RAD18: variants seen among roughly 807,000 people sequenced by gnomAD.
The protein encoded by RAD18 is E3 ubiquitin-protein ligase RAD18.
In RAD18, 47 loss-of-function variants were observed where a neutral mutation model predicts 60.4. That is an observed-to-expected ratio of 0.78 (90% CI 0.62 to 0.99). The LOEUF (loss-of-function observed/expected upper bound fraction) is 0.99. Among genes scored for constraint, RAD18 ranks in the 50% least tolerant of loss-of-function variants. The pLI is 0.00. For missense variants in RAD18, 640 were observed against 593.3 expected, an observed-to-expected ratio of 1.08 and a Z score of -0.82; for synonymous variants, 225 against 195.5, an observed-to-expected ratio of 1.15 and a Z score of -1.26.
chr3:8,921,525 G>C (rs1297443620), intron 7 of RAD18, among the ~76,000 whole-genome samples: 2 of 152,108 alleles, frequency 1.3e-5, no homozygotes, highest in Non-Finnish European at 2.9e-5. Flanking sequence ...GCATGCGCTT[G>C]TAGTCCTAGC....
At chr3:8,905,771 A>G (rs1467953139) in intron 9 of RAD18, among the ~76,000 whole-genome samples, 3 of 152,176 alleles carry the variant, frequency 2.0e-5, no homozygotes, top group Non-Finnish European at 4.4e-5. Context: ...AGTTTGCTCT[A>G]CTATTCTCCA....
chr3:8,940,057 C>A (rs1940721507), intron 5 of RAD18, among the ~76,000 whole-genome samples: 1 of 152,198 alleles, frequency 6.6e-6, no homozygotes, highest in African/African-American at 2.4e-5. Flanking sequence ...ACACACCTGG[C>A]CCAAGGGCCG....
chr3:8,911,794 A>G (rs1233727473), intron 9 of RAD18, among the ~76,000 whole-genome samples: 1 of 152,246 alleles, frequency 6.6e-6, no homozygotes, highest in Non-Finnish European at 1.5e-5. Flanking sequence ...CAACCACCAC[A>G]CAAAGAGTAA....
chr3:8,895,728 C>T (rs1939772090), intron 11 of RAD18, among the ~76,000 whole-genome samples: 2 of 152,186 alleles, frequency 1.3e-5, no homozygotes, highest in Admixed American at 6.5e-5. Context: ...AGTTGGCCCA[C>T]TTCCTCCTTT....
chr3:8,945,658 G>A (rs1177299462), intron 4 of RAD18, among the ~76,000 whole-genome samples: 1 of 151,706 alleles, frequency 6.6e-6, no homozygotes, highest in African/African-American at 2.4e-5. Context: ...TTTTAGTAGA[G>A]ACAGGGTTTC....
At chr3:8,891,096 A>ATATATATATATATC in intron 11 of RAD18, among the ~76,000 whole-genome samples, 1 of 138,524 alleles carries the variant, frequency 7.2e-6, no homozygotes, top group African/African-American at 2.6e-5. Flanking sequence ...ATATATATAT[A>ATATATATATATATC]TCTGTGTTTT....
intron 4 of RAD18, among the ~76,000 whole-genome samples, chr3:8,944,476 C>T (rs980625935): frequency 6.6e-6 from 1 of 150,720 alleles, no homozygotes; most frequent in African/African-American, 2.4e-5. Context: ...TTCGAGGTTA[C>T]AGTGAACCAT....
At chr3:8,895,381 T>C (rs1939766317) in intron 11 of RAD18, among the ~76,000 whole-genome samples, 1 of 152,238 alleles carries the variant, frequency 6.6e-6, no homozygotes, top group African/African-American at 2.4e-5. Flanking sequence ...TACAGTAAGA[T>C]ACTTCACTTC....
chr3:8,921,652 A>G (rs1356591441), intron 7 of RAD18, among the ~76,000 whole-genome samples: 1 of 152,162 alleles, frequency 6.6e-6, no homozygotes, highest in African/African-American at 2.4e-5. Context: ...AAAAAAAACA[A>G]GACAGAATGA....
chr3:8,884,148 T>C (rs963117213), intron 12 of RAD18, among the ~76,000 whole-genome samples: 3 of 152,202 alleles, frequency 2.0e-5, no homozygotes, highest in African/African-American at 7.2e-5. Flanking sequence ...TCACCATGAC[T>C]GCAGACTGTT....
rs767573921 is a variant in RAD18, at chr3:8,941,466, C to T, written c.604+1G>A. The T allele has an allele frequency of 6.3e-7, 1 of 1,586,734 alleles. No homozygotes were observed. The highest frequency in any genetic ancestry group is 8.6e-7 in the Non-Finnish European group (1 of 1,159,822). Reference sequence around the variant, plus strand: ...TTCCACATATGAAAATAACTTCCTACCTTTAGTAACTTGTTTCAAAGTGGA... The same window carrying T: ...TTCCACATATGAAAATAACTTCCTATCTTTAGTAACTTGTTTCAAAGTGGA... On this transcript the variant is annotated splice_donor_variant, in intron 5 of 12. Transcript: ENST00000264926. LOFTEE classifies it high-confidence loss of function.
At chr3:8,896,262 G>A (rs1939781140) in intron 11 of RAD18, among the ~76,000 whole-genome samples, 1 of 152,160 alleles carries the variant, frequency 6.6e-6, no homozygotes, top group Non-Finnish European at 1.5e-5. Context: ...ATTCTACTCT[G>A]AAAAACAGCA....
At chr3:8,910,052 T>A (rs942430525) in intron 9 of RAD18, among the ~76,000 whole-genome samples, 1 of 152,072 alleles carries the variant, frequency 6.6e-6, no homozygotes, top group South Asian at 2.1e-4. Context: ...AGAGCAGAAT[T>A]CCCAGAAAGT....
Position 8,899,026 on chromosome 3 carries a change from G to T in RAD18, c.1190C>A (p.Ser397Ter). 1 of 1,603,832 alleles carries T rather than the reference G, an allele frequency of 6.2e-7. No individual in the cohort carries two copies. The highest frequency in any genetic ancestry group is 1.1e-5 in the South Asian group (1 of 88,832). The change falls in exon 11 of 13, where the codon TCA (serine) becomes TAA (stop). Residue 397 changes from serine to a stop codon, truncating the protein, a stop_gained. Transcript: ENST00000264926. LOFTEE classifies it high-confidence loss of function. ...TGATTGAGAAAAGTGGTTTGTTACT[G>T]AGGTCATATTATCTTCCTGTCCTAG... ...VCMGQEDNMT[S>*]VTNHFSQSKL...
At position 8,878,670 on chromosome 3, in the gene RAD18, T is replaced by C. The variant is rs1939405884; in HGVS notation, c.*2687A>G. 1 of 152,208 alleles carries C rather than the reference T, an allele frequency of 6.6e-6. No homozygotes were observed. Among genetic ancestry groups the C allele is most frequent in the Non-Finnish European group, 1.5e-5 (1 of 68,026 alleles). The allele number at this position is 152,208 out of a possible 1,614,324, so 9.4% of individuals were successfully genotyped here. Reference sequence around the variant, plus strand: ...TATGTGTATGAATTCTTTTTTCAACTAGACCAGTAATCCTCAACATGAGGT... The same window carrying C: ...TATGTGTATGAATTCTTTTTTCAACCAGACCAGTAATCCTCAACATGAGGT... On this transcript the variant is annotated 3_prime_UTR_variant, in exon 13 of 13. Coordinates refer to ENST00000264926, the MANE Select transcript of RAD18 (RefSeq NM_020165.4).
chr3:8,914,967 T>TC (rs1442584742), intron 7 of RAD18, among the ~76,000 whole-genome samples: 1 of 151,826 alleles, frequency 6.6e-6, no homozygotes, highest in Non-Finnish European at 1.5e-5. Context: ...TGAAACCCCG[T>TC]CTCCACTAAA....
intron 7 of RAD18, among the ~76,000 whole-genome samples, chr3:8,921,883 G>T (rs371700572): frequency 3.3e-5 from 5 of 152,132 alleles, no homozygotes; most frequent in African/African-American, 4.8e-5. Context: ...ATAGTAACAA[G>T]GTATTATAGA....
rs1379481645 is a variant in RAD18, at chr3:8,936,013, A to C, written c.747T>G (p.Asn249Lys). Residue 249 changes from asparagine (N) to lysine (K), a missense_variant, in exon 7 of 13, where the codon AAT becomes AAG. Transcript: ENST00000264926. ...TCTTTAAATCACGATCAGAGAGCAA[A>C]TTATATACAGTTTTGGGCAGCGGCT... Reference protein sequence around the residue: ...KRKPLPKTVYNLLSDRDLKKK... With the variant: ...KRKPLPKTVYKLLSDRDLKKK... The C allele has an allele frequency of 6.2e-7, 1 of 1,608,868 alleles. No individual in the cohort carries two copies. The highest frequency in any genetic ancestry group is 1.3e-5 in the African/African-American group (1 of 74,534).
chr3:8,898,749 A>C (rs897509589), intron 11 of RAD18, 145 bp downstream of exon 11: 6 of 680,292 alleles, frequency 8.8e-6, no homozygotes, highest in African/African-American at 7.3e-5. Context: ...ACTGTGAAGA[A>C]GACCCAGCAG....
Sources: gnomAD v4.1 joint callset for allele counts (sites outside exome capture counted in the v4.1 genomes callset) on GRCh38, gnomAD v4.1.1 for gene constraint, MANE v1.5 for transcripts, NCBI Gene and HGNC (gene_info 2026-07-23, HGNC 2026-07-21) for gene names.